RGS17: variants seen among roughly 807,000 people sequenced by gnomAD.
RGS17 encodes the protein regulator of G protein signaling 17, also known as regulator of G-protein signaling 17.
Under a neutral mutation model 25.5 loss-of-function variants are expected in RGS17, and 12 were observed. The ratio of observed to expected loss-of-function variants is 0.47; its 90% confidence interval spans 0.30 to 0.76. The LOEUF (loss-of-function observed/expected upper bound fraction) is 0.76, where lower values mean the gene tolerates loss of function less well. Ranked by LOEUF, RGS17 falls within the 30% of genes least tolerant of loss-of-function variation. RGS17 has a pLI of 0.07. For missense variants in RGS17, 196 were observed against 242.2 expected (o/e 0.81, Z 1.27); for synonymous variants, 71 against 76.9 (o/e 0.92, Z 0.40).
intron 1 of RGS17, among the ~76,000 whole-genome samples, chr6:153,066,332 C>A (rs2129116133): frequency 6.6e-6 from 1 of 152,184 alleles, no homozygotes; most frequent in African/African-American, 2.4e-5. Flanking sequence ...GGAACAATAA[C>A]AAGTAACAAG....
At chr6:153,012,643 G>T (rs1172336733) in intron 4 of RGS17, among the ~76,000 whole-genome samples, 1 of 152,144 alleles carries the variant, frequency 6.6e-6, no homozygotes, top group African/African-American at 2.4e-5. Flanking sequence ...CACCATGTTA[G>T]AACAACCCTA....
chr6:153,124,354 A>T (rs1340013750), intron 1 of RGS17, among the ~76,000 whole-genome samples: 1 of 152,190 alleles, frequency 6.6e-6, no homozygotes, highest in East Asian at 1.9e-4. Context: ...GAAACAAACT[A>T]GTCAGGAAAG....
intron 1 of RGS17, among the ~76,000 whole-genome samples, chr6:153,098,443 A>G (rs1301371181): frequency 2.6e-5 from 4 of 152,196 alleles, no homozygotes; most frequent in Admixed American, 2.0e-4. Context: ...CATTCAACAT[A>G]TTTATTGATT....
intron 1 of RGS17, among the ~76,000 whole-genome samples, chr6:153,046,668 T>C (rs1025167587): frequency 9.9e-5 from 15 of 152,022 alleles, no homozygotes; most frequent in African/African-American, 2.9e-4. Flanking sequence ...AGGAATATAC[T>C]CAGAATTCAG....
intron 1 of RGS17, among the ~76,000 whole-genome samples, chr6:153,087,891 T>C (rs905960656): frequency 6.6e-6 from 1 of 152,188 alleles, no homozygotes; most frequent in Non-Finnish European, 1.5e-5. Flanking sequence ...TCCACACCAA[T>C]GTATAATCCT....
intron 1 of RGS17, among the ~76,000 whole-genome samples, chr6:153,111,101 C>A (rs1777463016): frequency 6.6e-6 from 1 of 152,030 alleles, no homozygotes; most frequent in Non-Finnish European, 1.5e-5. Flanking sequence ...GAACTGTTCA[C>A]TCCCCTGGAA....
intron 1 of RGS17, among the ~76,000 whole-genome samples, chr6:153,054,056 TA>T (rs1562321565): frequency 0.012 from 908 of 72,768 alleles, 145 homozygotes; most frequent in African/African-American, 0.05. Flanking sequence ...TATATGTATA[TA>T]ATATATATAC....
Position 153,048,788 on chromosome 6 carries a change from T to G in RGS17, c.-25-4745A>C, listed in dbSNP as rs201674830. Among the ~76,000 whole-genome samples, 18 of 152,330 alleles carry G rather than the reference T, an allele frequency of 1.2e-4. No homozygotes were observed. In the East Asian group the frequency reaches 3.1e-3, roughly 26 times the overall value. On this transcript the variant is annotated intron_variant, in intron 1 of 4. Coordinates refer to ENST00000206262, the MANE Select transcript of RGS17 (RefSeq NM_012419.5). ...ATGAACTCCCTCACCTCATCCCCAGTATGAGCTGTTACCCTTTCCTGTTTA... is the reference window on the plus strand; with the variant it reads ...ATGAACTCCCTCACCTCATCCCCAGGATGAGCTGTTACCCTTTCCTGTTTA...
intron 1 of RGS17, among the ~76,000 whole-genome samples, chr6:153,109,721 A>G (rs1261201643): frequency 3.9e-5 from 6 of 152,244 alleles, no homozygotes. Context: ...TATTAGAGAT[A>G]AGGAGATGAG....
chr6:153,089,425 G>A (rs1777096342), intron 1 of RGS17, among the ~76,000 whole-genome samples: 1 of 152,088 alleles, frequency 6.6e-6, no homozygotes, highest in African/African-American at 2.4e-5. Context: ...TAACCCAACT[G>A]TAATGCTGGT....
At chr6:153,057,129 A>G (rs748624335) in intron 1 of RGS17, among the ~76,000 whole-genome samples, 5 of 151,918 alleles carry the variant, frequency 3.3e-5, no homozygotes, top group Non-Finnish European at 5.9e-5. Context: ...ACCTGCTGCA[A>G]TGTAAACTCT....
chr6:153,059,901 G>A (rs1370244252), intron 1 of RGS17, among the ~76,000 whole-genome samples: 1 of 152,158 alleles, frequency 6.6e-6, no homozygotes. Flanking sequence ...TGTAGTTCCT[G>A]GACCAGCAGG....
intron 1 of RGS17, among the ~76,000 whole-genome samples, chr6:153,069,318 A>AG (rs1776751388): frequency 6.6e-6 from 1 of 152,128 alleles, no homozygotes; most frequent in South Asian, 2.1e-4. Flanking sequence ...ATGGAACTGG[A>AG]GTTCATTATG....
At chr6:153,122,083 TTAAC>T (rs1036231060) in intron 1 of RGS17, among the ~76,000 whole-genome samples, 2 of 152,318 alleles carry the variant, frequency 1.3e-5, no homozygotes, top group South Asian at 2.1e-4. Flanking sequence ...TAATGAGTTT[TTAAC>T]TAATAGTCTT....
chr6:153,043,804 T>C (rs1776352156), intron 2 of RGS17, 96 bp downstream of exon 2: 6 of 683,140 alleles, frequency 8.8e-6, no homozygotes, highest in East Asian at 3.0e-5. Flanking sequence ...AAAAAAGACA[T>C]GTTGAGCAGT....
chr6:153,006,247 TCTCTTATAA>T lies in RGS17; in HGVS notation c.*5318_*5326del, dbSNP rs1310489734. ...AAAAAGAGTGTTTTCTAATTGTCAA[TCTCTTATAA>T]CTTAGTCTTAGCCCTATAACTCATT... On this transcript the variant is annotated 3_prime_UTR_variant, in exon 5 of 5. Coordinates refer to ENST00000206262, the MANE Select transcript of RGS17 (RefSeq NM_012419.5). 1 of 152,288 alleles carries T rather than the reference TCTCTTATAA, an allele frequency of 6.6e-6. No individual in the cohort carries two copies. The highest frequency in any genetic ancestry group is 1.5e-5 in the Non-Finnish European group (1 of 68,040). 9.4% of individuals were successfully genotyped at this position (152,288 alleles called of 1,614,324 possible). A position where few individuals can be genotyped will look rare whatever the true frequency, so the allele number is the denominator to read the frequency against.
In RGS17 at chr6:153,011,295, G is replaced by A. The variant is rs908305166; in HGVS notation, c.*279C>T. ...ACATGCAGTCTCTGGAGATACACGAGGAGACTGTTCATAGGACTACAAATA... is the reference window on the plus strand; with the variant it reads ...ACATGCAGTCTCTGGAGATACACGAAGAGACTGTTCATAGGACTACAAATA... On this transcript the variant is annotated 3_prime_UTR_variant, in exon 5 of 5. Coordinates refer to ENST00000206262, the MANE Select transcript of RGS17 (RefSeq NM_012419.5). 2.1e-5 allele frequency: 7 copies of A among 328,184 alleles called. No individual in the cohort carries two copies. Among genetic ancestry groups the A allele is most frequent in the Non-Finnish European group, 3.3e-5 (6 of 180,694 alleles). 20.3% of individuals were successfully genotyped at this position (328,184 alleles called of 1,614,324 possible).
At chr6:153,013,596 T>C (rs1584116938) in intron 4 of RGS17, among the ~76,000 whole-genome samples, 1 of 152,256 alleles carries the variant, frequency 6.6e-6, no homozygotes, top group Non-Finnish European at 1.5e-5. Flanking sequence ...GCTGGGCCTC[T>C]TTTGAAAGTT....
chr6:153,054,561 G>A (rs1326647998), intron 1 of RGS17, among the ~76,000 whole-genome samples: 1 of 151,856 alleles, frequency 6.6e-6, no homozygotes, highest in Non-Finnish European at 1.5e-5. Context: ...TGAGGCAGGA[G>A]AACTGCTTGA....
Sources: gnomAD v4.1 joint callset for allele counts (sites outside exome capture counted in the v4.1 genomes callset) on GRCh38, gnomAD v4.1.1 for gene constraint, MANE v1.5 for transcripts, NCBI Gene and HGNC (gene_info 2026-07-23, HGNC 2026-07-21) for gene names.